The following BCORL1 variants were observed in gnomAD, a reference collection of about 807,000 sequenced individuals.
BCORL1 encodes the protein BCL-6 corepressor-like protein 1.
BCORL1 carries 7 observed loss-of-function variants against 87.6 expected under a neutral mutation model. The observed-to-expected ratio is 0.08, with a 90% CI of 0.05 to 0.15. The LOEUF is 0.15. Among genes scored for constraint, BCORL1 ranks in the 10% least tolerant of loss-of-function variants. BCORL1 has a pLI of 1.00. For synonymous variants in BCORL1, 591 were observed against 634.4 expected, an observed-to-expected ratio of 0.93 and a Z score of 1.03; for missense variants, 1,215 against 1,499.7, an observed-to-expected ratio of 0.81 and a Z score of 3.13.
chrX:129,999,700 G>C (rs1413598443), intron 1 of BCORL1, among the ~76,000 whole-genome samples: 1 of 102,999 alleles, frequency 9.7e-6, no homozygotes, highest in African/African-American at 3.5e-5. Context: ...CCCCCAGACA[G>C]AGTCTTAACT....
At chrX:129,989,363 G>T (rs1202435708) in intron 1 of BCORL1, among the ~76,000 whole-genome samples, 1 of 87,237 alleles carries the variant, frequency 1.1e-5, no homozygotes, top group Non-Finnish European at 2.2e-5. Flanking sequence ...AGCCAGGATG[G>T]TCTCAATCTC....
At chrX:130,032,923 G>A (rs1385267431) in intron 8 of BCORL1, among the ~76,000 whole-genome samples, 8 of 108,237 alleles carry the variant, frequency 7.4e-5, no homozygotes, top group Non-Finnish European at 1.3e-4. Flanking sequence ...CACCACTCCC[G>A]GCTAATTTTT....
At chrX:129,991,828 T>A (rs1569356524) in intron 1 of BCORL1, among the ~76,000 whole-genome samples, 2 of 103,666 alleles carry the variant, frequency 1.9e-5, no homozygotes, top group Admixed American at 1.1e-4. Flanking sequence ...CAGCTAATTT[T>A]TTTTTTTTTG....
At position 130,043,784 on chromosome X, in the gene BCORL1, ATT is replaced by A. The variant is rs1163098654; in HGVS notation, c.4840+4522_4840+4523del. Reference sequence around the variant, plus strand: ...TATATATATATATATATATATATATATTTTTTTTTTTTTTTTTTTTTGAGACG... The same window carrying A: ...TATATATATATATATATATATATATATTTTTTTTTTTTTTTTTTTGAGACG... On this transcript the variant is annotated intron_variant, in intron 11 of 13. Transcript: ENST00000540052. Among the ~76,000 whole-genome samples the A allele has an allele frequency of 9.4e-3, 150 of 15,935 alleles. 2 individuals are homozygous for A. The highest frequency in any genetic ancestry group is 0.011 in the Non-Finnish European group (121 of 11,433). The allele number at this position is 15,935 out of a possible 115,157, so 13.8% of individuals were successfully genotyped here. A position where few individuals can be genotyped will look rare whatever the true frequency, so the allele number is the denominator to read the frequency against.
chrX:130,024,931 A>T (rs1197610538), intron 6 of BCORL1, 59 bp from the exon 7 acceptor site: 1 of 1,170,446 alleles, frequency 8.5e-7, no homozygotes, highest in East Asian at 3.0e-5. Flanking sequence ...ATTCACTTCG[A>T]CACCATGCTT....
chrX:130,012,353 C>G (rs1929040152), intron 2 of BCORL1, among the ~76,000 whole-genome samples: 1 of 111,330 alleles, frequency 9.0e-6, no homozygotes, highest in African/African-American at 3.3e-5. Flanking sequence ...AGAGGGGGGT[C>G]TAGTCAGACT....
rs1926999362 is a variant in BCORL1 at position 129,990,219 on chromosome X, T to TTA, written c.-45+7467_-45+7468dup. ...TGCTCAATAAATGGGACCTATTATT[T>TTA]TATATATATATTTTTTTCTTTTTCT... On this transcript the variant is annotated intron_variant, in intron 1 of 13. Coordinates refer to ENST00000540052, the MANE Select transcript of BCORL1 (RefSeq NM_001379451.1). 2.7e-5 allele frequency among the ~76,000 whole-genome samples: 3 copies of TTA among 111,306 alleles called. No individual in the cohort carries two copies. In the South Asian group the frequency reaches 1.1e-3, roughly 42 times the overall value.
At chrX:129,995,005 ACTT>A (rs1812800211) in intron 1 of BCORL1, among the ~76,000 whole-genome samples, 1 of 109,012 alleles carries the variant, frequency 9.2e-6, no homozygotes, top group South Asian at 3.8e-4. Flanking sequence ...TGTCTATGGG[ACTT>A]CTTTTTTTTT....
At chrX:130,039,895 C>G (rs1404206744) in intron 11 of BCORL1, among the ~76,000 whole-genome samples, 1 of 112,755 alleles carries the variant, frequency 8.9e-6, no homozygotes, top group African/African-American at 3.2e-5. Flanking sequence ...AGCCAACATG[C>G]ATTTATTTTC....
intron 1 of BCORL1, among the ~76,000 whole-genome samples, chrX:129,983,645 G>T (rs1254757334): frequency 3.7e-5 from 4 of 106,929 alleles, no homozygotes; most frequent in African/African-American, 1.4e-4. Flanking sequence ...CGAGTCCCTG[G>T]AAAAAAGGCG....
At chrX:129,982,480 TAGGCCGC>T (rs1270958594), upstream of BCORL1, 1 of 100,208 alleles carries the variant, frequency 1.0e-5, no homozygotes, top group African/African-American at 3.6e-5. Context: ...CCCACCCGCG[TAGGCCGC>T]ATTCTGGGAG....
intron 4 of BCORL1, 44 bp downstream of exon 4, chrX:130,016,257 G>A (rs1197446770): frequency 1.8e-6 from 2 of 1,142,733 alleles, no homozygotes; most frequent in East Asian, 3.3e-5. Context: ...AGATGCCGCT[G>A]GTCTACTTCG....
At chrX:130,053,813 G>A (rs1305221489) in intron 13 of BCORL1, among the ~76,000 whole-genome samples, 2 of 112,263 alleles carry the variant, frequency 1.8e-5, no homozygotes, top group African/African-American at 3.2e-5. Flanking sequence ...ACCAAAGCAA[G>A]ACTGAATTCT....
At chrX:130,044,785 A>G (rs1037436331) in intron 11 of BCORL1, among the ~76,000 whole-genome samples, 1 of 112,577 alleles carries the variant, frequency 8.9e-6, no homozygotes. Flanking sequence ...CTGGGATTAC[A>G]GGCGTGAGCC....
At chrX:129,981,928 G>C (rs868737579), upstream of BCORL1, 2 of 93,785 alleles carry the variant, frequency 2.1e-5, no homozygotes, top group Non-Finnish European at 4.3e-5. Flanking sequence ...ACGACGGTGG[G>C]GGGGGGAGCG....
chrX:129,998,092 T>C (rs1927707932), intron 1 of BCORL1, among the ~76,000 whole-genome samples: 2 of 109,733 alleles, frequency 1.8e-5, no homozygotes, highest in Admixed American at 9.9e-5. Flanking sequence ...TGGATATATC[T>C]TTTGAGTTTT....
At chrX:130,004,257 T>A (rs1424184445) in intron 1 of BCORL1, among the ~76,000 whole-genome samples, 2 of 101,899 alleles carry the variant, frequency 2.0e-5, no homozygotes, top group African/African-American at 7.3e-5. Flanking sequence ...TTTTTTTTTT[T>A]TTTTTGAGAC....
chrX:130,039,423 A>G (rs182769470), intron 11 of BCORL1, 141 bp downstream of exon 11: 3 of 782,284 alleles, frequency 3.8e-6, no homozygotes, highest in Admixed American at 7.1e-5. Context: ...CTTTCATTCA[A>G]AGAGCTCAAG....
rs189430233 is a variant in BCORL1 at position 130,002,313 on chromosome X, A to G, written c.-44-2875A>G. Among the ~76,000 whole-genome samples, 16 of 109,776 alleles carry G rather than the reference A, an allele frequency of 1.5e-4. No individual in the cohort carries two copies. The East Asian group carries it at 4.3e-3, about 30-fold the overall frequency. ...GGGCCTAAGGAGAGAGGTCAAGGCTAGAGATACAGATTTGGGAGTCATCAG... is the reference window on the plus strand; with the variant it reads ...GGGCCTAAGGAGAGAGGTCAAGGCTGGAGATACAGATTTGGGAGTCATCAG... On this transcript the variant is annotated intron_variant, in intron 1 of 13. Coordinates refer to ENST00000540052, the MANE Select transcript of BCORL1 (RefSeq NM_001379451.1).
Sources: allele counts gnomAD v4.1 joint callset (sites outside exome capture counted in the v4.1 genomes callset), GRCh38; gene constraint gnomAD v4.1.1; transcripts MANE v1.5; gene names NCBI Gene and HGNC (gene_info 2026-07-23, HGNC 2026-07-21).